AGMO: variants seen among roughly 807,000 people sequenced by gnomAD.
The protein encoded by AGMO is glyceryl-ether monooxygenase.
In AGMO, 75 loss-of-function variants were observed where a neutral mutation model predicts 60.2. The ratio of observed to expected loss-of-function variants is 1.25; its 90% CI spans 1.03 to 1.51. The LOEUF (loss-of-function observed/expected upper bound fraction) is 1.51, where lower values mean the gene tolerates loss of function less well. Ranked by LOEUF, AGMO falls within the 40% of genes most tolerant of loss-of-function variation. AGMO has a pLI of 0.00. For missense variants in AGMO, 763 were observed against 525.5 expected, an observed-to-expected ratio of 1.45 and a Z score of -4.42; for synonymous variants, 261 against 177.1, an observed-to-expected ratio of 1.47 and a Z score of -3.76.
intron 4 of AGMO, among the ~76,000 whole-genome samples, chr7:15,426,592 C>A (rs973517663): frequency 1.3e-5 from 2 of 151,806 alleles, no homozygotes; most frequent in South Asian, 4.1e-4. Flanking sequence ...ATACAAAATA[C>A]AAAAAAATTA....
At chr7:15,264,953 T>C (rs1783388573) in intron 12 of AGMO, among the ~76,000 whole-genome samples, 1 of 152,006 alleles carries the variant, frequency 6.6e-6, no homozygotes, top group Non-Finnish European at 1.5e-5. Flanking sequence ...AGGAGAATAA[T>C]TCATTCTATC....
intron 1 of AGMO, 73 bp downstream of exon 1, chr7:15,561,647 C>T (rs536466706): frequency 7.2e-7 from 1 of 1,386,598 alleles, no homozygotes; most frequent in African/African-American, 1.5e-5. Context: ...GAACAAAACC[C>T]TAAGGAGATT....
intron 12 of AGMO, among the ~76,000 whole-genome samples, chr7:15,243,933 A>T (rs1192095747): frequency 6.6e-6 from 1 of 152,172 alleles, no homozygotes; most frequent in East Asian, 1.9e-4. Context: ...GATTGTTTTA[A>T]TATGGAATGA....
At chr7:15,336,880 T>C (rs573646484) in intron 12 of AGMO, among the ~76,000 whole-genome samples, 16 of 152,216 alleles carry the variant, frequency 1.1e-4, no homozygotes, top group African/African-American at 1.4e-4. Context: ...ATTTAGACTA[T>C]AGAGTAATTT....
chr7:15,516,181 C>T (rs924369051), intron 3 of AGMO, among the ~76,000 whole-genome samples: 1 of 151,434 alleles, frequency 6.6e-6, no homozygotes, highest in African/African-American at 2.4e-5. Context: ...TGGAAGTAGG[C>T]CAAACATCAT....
rs991440818 is a variant in AGMO, at chr7:15,385,796, C to T, written c.958-234G>A. Among the ~76,000 whole-genome samples the T allele has an allele frequency of 4.6e-5, 7 of 152,048 alleles. No homozygotes were observed. The East Asian group carries it at 1.3e-3, about 29-fold the overall frequency. ...ATAAGAACTAATTCAACAATATGTG[C>T]AAATAATAAAGAGAGCCAAAATGCA... is the stretch of plus-strand genomic sequence containing the variant. On this transcript the variant is annotated intron_variant, in intron 9 of 12. Coordinates refer to ENST00000342526, the MANE Select transcript of AGMO (RefSeq NM_001004320.2).
At chr7:15,468,241 C>T (rs1782344003) in intron 3 of AGMO, among the ~76,000 whole-genome samples, 1 of 152,158 alleles carries the variant, frequency 6.6e-6, no homozygotes, top group Non-Finnish European at 1.5e-5. Flanking sequence ...CAAGTGGCAA[C>T]ACTAAGTGAG....
chr7:15,394,351 A>G (rs191436883), intron 5 of AGMO, among the ~76,000 whole-genome samples, 172 bp from the exon 6 acceptor site: 1 of 152,294 alleles, frequency 6.6e-6, no homozygotes. Flanking sequence ...TAAAGACAAT[A>G]GTAATCTCAA....
chr7:15,367,715 C>A (rs770860750), intron 10 of AGMO, among the ~76,000 whole-genome samples: 28 of 152,060 alleles, frequency 1.8e-4, no homozygotes, highest in Non-Finnish European at 3.7e-4. Flanking sequence ...AAGTATTGGA[C>A]ACAGTTCCTG....
chr7:15,544,000 G>C lies in AGMO; in HGVS notation c.409+772C>G, dbSNP rs193181187. ...GCCCATCAAGAAATGAGCAGATAAA[G>C]AAAATGTGGTATATATTTAGCATGG... On this transcript the variant is annotated intron_variant, in intron 3 of 12. Transcript: ENST00000342526. Among the ~76,000 whole-genome samples the C allele has an allele frequency of 2.0e-3, 304 of 151,902 alleles. 4 individuals carry two copies. Among genetic ancestry groups the C allele is most frequent in the Non-Finnish European group, 7.7e-4 (52 of 67,952 alleles).
chr7:15,253,945 TA>T (rs1054770880), intron 12 of AGMO, among the ~76,000 whole-genome samples: 1 of 152,026 alleles, frequency 6.6e-6, no homozygotes, highest in Non-Finnish European at 1.5e-5. Flanking sequence ...TAAGATTGTG[TA>T]GTATTTTTTT....
chr7:15,235,550 A>G (rs1474928397), intron 12 of AGMO, among the ~76,000 whole-genome samples: 1 of 152,156 alleles, frequency 6.6e-6, no homozygotes, highest in African/African-American at 2.4e-5. Context: ...AAAGACGGAA[A>G]GTACTGGTTC....
rs1451929393 is a variant in AGMO at position 15,562,013 on chromosome 7, G to C, written c.-168C>G. 3.7e-6 allele frequency: 2 copies of C among 542,832 alleles called. No homozygotes were observed. Among genetic ancestry groups the C allele is most frequent in the Non-Finnish European group, 6.0e-6 (2 of 331,234 alleles). 33.6% of individuals were successfully genotyped at this position (542,832 alleles called of 1,614,324 possible). ...CACTCAACAGCCGATTCTGTGTAGA[G>C]AGACAGGAAAATACAAGGATCAAGA... On this transcript the variant is annotated 5_prime_UTR_variant, in exon 1 of 13. Transcript: ENST00000342526.
At chr7:15,496,150 G>C (rs1783227557) in intron 3 of AGMO, among the ~76,000 whole-genome samples, 1 of 152,100 alleles carries the variant, frequency 6.6e-6, no homozygotes, top group Admixed American at 6.5e-5. Flanking sequence ...CCCTCTCATG[G>C]AGATGAGTGG....
chr7:15,477,439 C>A (rs1007720548), intron 3 of AGMO, among the ~76,000 whole-genome samples: 1 of 152,050 alleles, frequency 6.6e-6, no homozygotes, highest in East Asian at 1.9e-4. Context: ...ATACATTCAA[C>A]AAAGCAGCAT....
At chr7:15,133,186 G>A in the AGMO span, among the ~76,000 whole-genome samples, 1 of 152,208 alleles carries the variant, frequency 6.6e-6, no homozygotes, top group African/African-American at 2.4e-5. Context: ...AATCCTGTAT[G>A]AGAGTGGGAA....
chr7:15,355,420 G>T (rs758220703), intron 12 of AGMO, among the ~76,000 whole-genome samples: 1 of 143,278 alleles, frequency 7.0e-6, no homozygotes. Flanking sequence ...GGAGAACAGC[G>T]TGAACCTGGG....
At chr7:15,135,508 A>G in the AGMO span, among the ~76,000 whole-genome samples, 16 of 152,196 alleles carry the variant, frequency 1.1e-4, no homozygotes, top group African/African-American at 3.9e-4. Flanking sequence ...TTAGAAAATG[A>G]ATGAAAAGGG....
chr7:15,325,306 T>G (rs1295592236), intron 12 of AGMO, among the ~76,000 whole-genome samples: 2 of 152,160 alleles, frequency 1.3e-5, no homozygotes, highest in Non-Finnish European at 2.9e-5. Flanking sequence ...ATATGTACTT[T>G]CACACATATC....
Sources: allele counts gnomAD v4.1 joint callset (sites outside exome capture counted in the v4.1 genomes callset), GRCh38; gene constraint gnomAD v4.1.1; transcripts MANE v1.5; gene names NCBI Gene and HGNC (gene_info 2026-07-23, HGNC 2026-07-21).